SEMA6D: variants seen among roughly 807,000 people sequenced by gnomAD.
SEMA6D encodes the protein semaphorin 6D.
SEMA6D carries 35 observed loss-of-function variants against 106.6 expected under a neutral mutation model. The observed-to-expected ratio is 0.33, with a 90% CI of 0.25 to 0.44. SEMA6D has a LOEUF of 0.44. Ranked by LOEUF, SEMA6D falls within the 20% of genes least tolerant of loss-of-function variation. The pLI is 1.00. For missense variants in SEMA6D, 1,185 were observed against 1,345.9 expected, an observed-to-expected ratio of 0.88 and a Z score of 1.87; for synonymous variants, 499 against 487.7, an observed-to-expected ratio of 1.02 and a Z score of -0.31.
intron 3 of SEMA6D, among the ~76,000 whole-genome samples, chr15:47,546,781 C>G (rs972184968): frequency 2.6e-5 from 4 of 151,768 alleles, no homozygotes; most frequent in Non-Finnish European, 5.9e-5. Flanking sequence ...TTCAGGTTTC[C>G]CTGGAGATCA....
chr15:47,772,299 A>AT lies in SEMA6D; in HGVS notation c.*523dup, dbSNP rs1366831282. 1.1e-4 allele frequency: 17 copies of AT among 151,434 alleles called. No individual in the cohort carries two copies. Among genetic ancestry groups the AT allele is most frequent in the South Asian group, 8.1e-4 (4 of 4,916 alleles). 9.4% of individuals were successfully genotyped at this position (151,434 alleles called of 1,614,324 possible). A position where few individuals can be genotyped will look rare whatever the true frequency, so the allele number is the denominator to read the frequency against. On this transcript the variant is annotated 3_prime_UTR_variant, in exon 19 of 19. Coordinates refer to ENST00000536845, the MANE Select transcript of SEMA6D (RefSeq NM_001358351.3). ...TTCAATCTTTGACCCAAGCTGTAGC[A>AT]TTTTTTTTTCATGTGTGGCATCTTT...
chr15:47,449,518 C>T (rs2140908217), intron 2 of SEMA6D, among the ~76,000 whole-genome samples: 1 of 152,186 alleles, frequency 6.6e-6, no homozygotes, highest in East Asian at 1.9e-4. Flanking sequence ...CTGCCTTGAA[C>T]CTGGATGACC....
intron 3 of SEMA6D, among the ~76,000 whole-genome samples, chr15:47,543,809 T>C (rs956676339): frequency 2.6e-5 from 4 of 152,096 alleles, no homozygotes; most frequent in Non-Finnish European, 5.9e-5. Context: ...ACCTGCTAAA[T>C]TGATTCTGGG....
intron 4 of SEMA6D, among the ~76,000 whole-genome samples, chr15:47,689,144 C>T (rs1328765622): frequency 1.3e-5 from 2 of 152,174 alleles, no homozygotes; most frequent in Non-Finnish European, 2.9e-5. Context: ...CTTTACATGG[C>T]ATAATTTATC....
At chr15:47,520,622 G>A (rs1036472975) in intron 3 of SEMA6D, among the ~76,000 whole-genome samples, 3 of 152,230 alleles carry the variant, frequency 2.0e-5, no homozygotes, top group Admixed American at 6.5e-5. Flanking sequence ...AGAAACTTCT[G>A]GAAGCTGGTT....
chr15:47,191,473 G>A (rs1422491971), intron 1 of SEMA6D, among the ~76,000 whole-genome samples: 2 of 152,084 alleles, frequency 1.3e-5, no homozygotes, highest in South Asian at 2.1e-4. Flanking sequence ...AGGCCATGGC[G>A]TGGGTATGAT....
intron 3 of SEMA6D, among the ~76,000 whole-genome samples, chr15:47,503,689 TCA>T (rs142397320): frequency 0.019 from 2,821 of 148,328 alleles, 90 homozygotes; most frequent in African/African-American, 0.062. Context: ...TCTCTCTCTG[TCA>T]CACACACACA....
At chr15:47,653,062 T>G (rs2077723682) in intron 4 of SEMA6D, among the ~76,000 whole-genome samples, 2 of 152,228 alleles carry the variant, frequency 1.3e-5, no homozygotes, top group African/African-American at 4.8e-5. Context: ...TCACTCCCAG[T>G]TCTCCTTGGC....
intron 3 of SEMA6D, among the ~76,000 whole-genome samples, chr15:47,597,249 A>G (rs1342968833): frequency 6.6e-6 from 1 of 152,128 alleles, no homozygotes; most frequent in Non-Finnish European, 1.5e-5. Flanking sequence ...GGGAAAAGAA[A>G]ATCTTTGTAC....
At chr15:47,316,541 T>G (rs1013538096) in intron 1 of SEMA6D, among the ~76,000 whole-genome samples, 8 of 151,198 alleles carry the variant, frequency 5.3e-5, no homozygotes, top group Non-Finnish European at 8.9e-5. Flanking sequence ...AGGATTTTTT[T>G]GGGGGGGGTT....
intron 1 of SEMA6D, among the ~76,000 whole-genome samples, chr15:47,238,675 A>G (rs2032713964): frequency 6.6e-6 from 1 of 152,110 alleles, no homozygotes; most frequent in Admixed American, 6.5e-5. Flanking sequence ...AAAAAAATCT[A>G]GGTCACAAAG....
chr15:47,225,501 G>A, intron 1 of SEMA6D, among the ~76,000 whole-genome samples: 1 of 118,976 alleles, frequency 8.4e-6, no homozygotes, highest in Non-Finnish European at 1.8e-5. Flanking sequence ...TTAATCGGGT[G>A]TTTTTTTCTT....
intron 1 of SEMA6D, among the ~76,000 whole-genome samples, chr15:47,403,507 T>C (rs1012451962): frequency 1.3e-5 from 2 of 152,214 alleles, no homozygotes; most frequent in Admixed American, 1.3e-4. Flanking sequence ...CACAGTCTCT[T>C]CCTTTAAAGA....
intron 1 of SEMA6D, among the ~76,000 whole-genome samples, chr15:47,237,414 GATA>G (rs1255304975): frequency 6.7e-6 from 1 of 148,948 alleles, no homozygotes; most frequent in Non-Finnish European, 1.5e-5. Flanking sequence ...AGACTGTCAT[GATA>G]AACGTTTCTA....
At chr15:47,322,487 T>C (rs977012659) in intron 1 of SEMA6D, among the ~76,000 whole-genome samples, 1 of 152,116 alleles carries the variant, frequency 6.6e-6, no homozygotes, top group Non-Finnish European at 1.5e-5. Flanking sequence ...TTCTCATCAT[T>C]AGATTGATGT....
chr15:47,520,967 G>A (rs921778364), intron 3 of SEMA6D, among the ~76,000 whole-genome samples: 1 of 152,178 alleles, frequency 6.6e-6, no homozygotes, highest in African/African-American at 2.4e-5. Flanking sequence ...TAGTTACCCA[G>A]CTTCAGACAG....
At chr15:47,621,990 G>A (rs2077109273) in intron 4 of SEMA6D, among the ~76,000 whole-genome samples, 1 of 152,094 alleles carries the variant, frequency 6.6e-6, no homozygotes, top group Non-Finnish European at 1.5e-5. Flanking sequence ...AAAAGTGTGG[G>A]ATAGTAACCT....
rs139270063 is a variant in SEMA6D at position 47,294,238 on chromosome 15, C to T, written c.-239+109820C>T. On this transcript the variant is annotated intron_variant, in intron 1 of 19. Coordinates refer to the SEMA6D transcript ENST00000558014. ...TGCTAGTTTATTTAAATCTCTCTCTCTCTTTTTTTTTTCTTGGAGTCTTTC... is the reference window on the plus strand; with the variant it reads ...TGCTAGTTTATTTAAATCTCTCTCTTTCTTTTTTTTTTCTTGGAGTCTTTC... Among the ~76,000 whole-genome samples the T allele has an allele frequency of 9.5e-3, 1,440 of 152,006 alleles. 14 individuals are homozygous for T. Among genetic ancestry groups the T allele is most frequent in the Non-Finnish European group, 0.015 (1,052 of 67,970 alleles).
chr15:47,344,995 G>T (rs1242372142), intron 1 of SEMA6D, among the ~76,000 whole-genome samples: 3 of 152,112 alleles, frequency 2.0e-5, no homozygotes, highest in Non-Finnish European at 4.4e-5. Flanking sequence ...GCTGAAACAA[G>T]TATGCATAAT....
Sources: gnomAD v4.1 joint callset for allele counts (sites outside exome capture counted in the v4.1 genomes callset) on GRCh38, gnomAD v4.1.1 for gene constraint, MANE v1.5 for transcripts, NCBI Gene and HGNC (gene_info 2026-07-23, HGNC 2026-07-21) for gene names.